The following KLHL1 variants were observed in gnomAD, a reference collection of about 807,000 sequenced individuals.
KLHL1 encodes kelch-like protein 1.
Under a neutral mutation model 77.7 loss-of-function variants are expected in KLHL1, and 47 were observed. The observed-to-expected ratio is 0.60, with a 90% CI of 0.48 to 0.77. The LOEUF (loss-of-function observed/expected upper bound fraction) is 0.77. Ranked by LOEUF, KLHL1 falls within the 30% of genes least tolerant of loss-of-function variation. The pLI, the probability that KLHL1 is intolerant of heterozygous loss-of-function variation, is 0.00. For synonymous variants in KLHL1, 360 were observed against 325.2 expected (o/e 1.11, Z -1.15); for missense variants, 925 against 910.8 (o/e 1.02, Z -0.20).
chr13:69,793,189 G>C (rs1400306878), intron 7 of KLHL1, among the ~76,000 whole-genome samples: 1 of 151,928 alleles, frequency 6.6e-6, no homozygotes, highest in Non-Finnish European at 1.5e-5. Context: ...ATAGTGCATT[G>C]TAGTAATGTC....
intron 1 of KLHL1, among the ~76,000 whole-genome samples, chr13:70,078,565 C>G (rs921004744): frequency 1.3e-5 from 2 of 152,004 alleles, no homozygotes; most frequent in Non-Finnish European, 2.9e-5. Context: ...AAACAGTTTT[C>G]TAGAATTTGA....
chr13:69,837,137 T>C (rs1879029084), intron 6 of KLHL1, among the ~76,000 whole-genome samples: 1 of 151,880 alleles, frequency 6.6e-6, no homozygotes, highest in Admixed American at 6.6e-5. Flanking sequence ...TTCTTATATA[T>C]TTTTGAAAAA....
chr13:70,037,686 T>C (rs1593694071), intron 1 of KLHL1, among the ~76,000 whole-genome samples: 1 of 152,238 alleles, frequency 6.6e-6, no homozygotes, highest in African/African-American at 2.4e-5. Flanking sequence ...GTTTTAAATA[T>C]CTTCTTCATT....
chr13:69,992,714 A>G (rs1049763276), intron 1 of KLHL1, among the ~76,000 whole-genome samples: 1 of 152,028 alleles, frequency 6.6e-6, no homozygotes, highest in African/African-American at 2.4e-5. Flanking sequence ...AAGAAACATG[A>G]TTAGTGAAAG....
intron 1 of KLHL1, among the ~76,000 whole-genome samples, chr13:70,044,828 AG>A (rs1377441482): frequency 1.3e-5 from 2 of 152,228 alleles, no homozygotes; most frequent in African/African-American, 4.8e-5. Context: ...TTGGCACTCC[AG>A]ACAACACAGC....
intron 8 of KLHL1, among the ~76,000 whole-genome samples, chr13:69,721,793 C>T (rs1873076909): frequency 6.6e-6 from 1 of 151,924 alleles, no homozygotes. Flanking sequence ...GCGTGTAATA[C>T]CTCTTTGCTT....
At chr13:69,993,436 C>T (rs1025558595) in intron 1 of KLHL1, among the ~76,000 whole-genome samples, 1 of 152,068 alleles carries the variant, frequency 6.6e-6, no homozygotes, top group Non-Finnish European at 1.5e-5. Context: ...GAATCAATCT[C>T]CAGGCTGGTC....
intron 5 of KLHL1, among the ~76,000 whole-genome samples, chr13:69,858,861 A>G (rs559795400): frequency 1.8e-4 from 28 of 152,218 alleles, no homozygotes; most frequent in Non-Finnish European, 3.5e-4. Context: ...CGTCCAGAGG[A>G]ATGAAAGAAG....
At chr13:70,022,778 T>G (rs995861696) in intron 1 of KLHL1, among the ~76,000 whole-genome samples, 1 of 136,788 alleles carries the variant, frequency 7.3e-6, no homozygotes, top group African/African-American at 2.7e-5. Flanking sequence ...CAAGTTATTC[T>G]CCAAGCATAA....
chr13:69,773,500 T>C (rs1183212284), intron 7 of KLHL1, among the ~76,000 whole-genome samples: 1 of 152,038 alleles, frequency 6.6e-6, no homozygotes. Flanking sequence ...TATCAAATAG[T>C]GAGCACTCAG....
At chr13:69,911,505 T>C (rs1017293036) in intron 4 of KLHL1, among the ~76,000 whole-genome samples, 4 of 151,360 alleles carry the variant, frequency 2.6e-5, no homozygotes, top group African/African-American at 9.7e-5. Context: ...AAATATTCAG[T>C]ACTTACATGT....
intron 3 of KLHL1, among the ~76,000 whole-genome samples, chr13:69,952,126 A>G (rs570202683): frequency 8.7e-4 from 132 of 151,570 alleles, no homozygotes; most frequent in Admixed American, 1.5e-3. Context: ...AATCTGGCAA[A>G]TAAAATAGTA....
At chr13:70,071,917 A>G (rs541317240) in intron 1 of KLHL1, among the ~76,000 whole-genome samples, 11 of 152,228 alleles carry the variant, frequency 7.2e-5, no homozygotes, top group Non-Finnish European at 1.0e-4. Flanking sequence ...AACAGAAGAG[A>G]AAATTAAGCC....
chr13:69,813,219 C>T (rs896195111), intron 6 of KLHL1, among the ~76,000 whole-genome samples: 4 of 150,918 alleles, frequency 2.7e-5, no homozygotes, highest in Non-Finnish European at 4.4e-5. Flanking sequence ...CAAACTATCG[C>T]AAGGACAAAA....
At chr13:69,721,770 G>A in intron 8 of KLHL1, among the ~76,000 whole-genome samples, 1 of 151,994 alleles carries the variant, frequency 6.6e-6, no homozygotes, top group Middle Eastern at 3.2e-3. Context: ...GATTGCCCAA[G>A]TGTTCCCTTG....
intron 5 of KLHL1, among the ~76,000 whole-genome samples, chr13:69,873,809 C>T (rs1018562934): frequency 6.6e-6 from 1 of 152,066 alleles, no homozygotes; most frequent in Non-Finnish European, 1.5e-5. Context: ...CAAGAATAAA[C>T]TTGTATTTGT....
At chr13:70,089,971 T>C (rs2137440755) in intron 1 of KLHL1, among the ~76,000 whole-genome samples, 1 of 151,814 alleles carries the variant, frequency 6.6e-6, no homozygotes, top group African/African-American at 2.4e-5. Flanking sequence ...GCCTGACCCA[T>C]AAACCCCATT....
chr13:69,942,724 T>C (rs1054382369), intron 3 of KLHL1, among the ~76,000 whole-genome samples: 14 of 152,232 alleles, frequency 9.2e-5, no homozygotes, highest in African/African-American at 3.4e-4. Flanking sequence ...GAGAGCTACT[T>C]TCAGCCATCA....
At chr13:70,101,063 A>G (rs1887910880) in intron 1 of KLHL1, among the ~76,000 whole-genome samples, 1 of 152,198 alleles carries the variant, frequency 6.6e-6, no homozygotes, top group Non-Finnish European at 1.5e-5. Flanking sequence ...GGATACATAA[A>G]TTATCTTTGG....
Sources: allele counts gnomAD v4.1 joint callset (sites outside exome capture counted in the v4.1 genomes callset), GRCh38; gene constraint gnomAD v4.1.1; transcripts MANE v1.5; gene names NCBI Gene and HGNC (gene_info 2026-07-23, HGNC 2026-07-21).